Variants in SPAG16 observed in about 807,000 individuals in gnomAD.
SPAG16 encodes sperm-associated antigen 16 protein.
A neutral mutation model predicts 80.4 loss-of-function variants in SPAG16; 86 were observed. That is an observed-to-expected ratio of 1.07 (90% confidence interval 0.90 to 1.28). The LOEUF (loss-of-function observed/expected upper bound fraction) is 1.28. SPAG16 is among the 50% of genes most tolerant of loss of function. The probability of loss-of-function intolerance (pLI) is 0.00; values close to 1 mark genes in which losing one functional copy is unlikely to be tolerated. For missense variants in SPAG16, 870 were observed against 765.3 expected (o/e 1.14, Z -1.61); for synonymous variants, 294 against 265.9 (o/e 1.11, Z -1.03).
intron 15 of SPAG16, among the ~76,000 whole-genome samples, chr2:214,195,310 T>TAGATAGATAGAC (rs1427990325): frequency 4.0e-5 from 6 of 151,240 alleles, no homozygotes; most frequent in Non-Finnish European, 8.9e-5. Flanking sequence ...AGATGATAGA[T>TAGATAGATAGAC]AGATAGATAG....
intron 6 of SPAG16, among the ~76,000 whole-genome samples, chr2:213,350,165 A>G (rs2065247985): frequency 6.6e-6 from 1 of 152,172 alleles, no homozygotes; most frequent in African/African-American, 2.4e-5. Flanking sequence ...TTAATCATCT[A>G]TTGTTTGTGG....
At chr2:213,969,496 G>A (rs926485153) in intron 12 of SPAG16, among the ~76,000 whole-genome samples, 8 of 152,084 alleles carry the variant, frequency 5.3e-5, no homozygotes, top group Admixed American at 3.9e-4. Context: ...TCTCGCAGTG[G>A]GATTTAGGCC....
chr2:214,377,190 G>C (rs1199455746), intron 15 of SPAG16, among the ~76,000 whole-genome samples: 1 of 152,132 alleles, frequency 6.6e-6, no homozygotes, highest in East Asian at 1.9e-4. Flanking sequence ...TCTTCGGTAA[G>C]TTGCAGATCC....
At chr2:213,393,459 T>C (rs1375402762) in intron 9 of SPAG16, among the ~76,000 whole-genome samples, 5 of 151,966 alleles carry the variant, frequency 3.3e-5, no homozygotes, top group Admixed American at 6.6e-5. Context: ...TTTGATTCGA[T>C]TTTTGTTTCT....
intron 10 of SPAG16, among the ~76,000 whole-genome samples, chr2:213,547,225 T>C (rs1234763893): frequency 6.6e-6 from 1 of 152,094 alleles, no homozygotes; most frequent in African/African-American, 2.4e-5. Context: ...ATACCACCTT[T>C]TTATAGTCTT....
At chr2:213,603,363 A>G (rs916117746) in intron 10 of SPAG16, among the ~76,000 whole-genome samples, 1 of 152,156 alleles carries the variant, frequency 6.6e-6, no homozygotes, top group African/African-American at 2.4e-5. Flanking sequence ...GCTTATACGC[A>G]TTTTCCGTAT....
intron 10 of SPAG16, among the ~76,000 whole-genome samples, chr2:213,675,213 C>T (rs1221258262): frequency 1.3e-5 from 2 of 152,152 alleles, no homozygotes; most frequent in Non-Finnish European, 1.5e-5. Context: ...ATGTCCTTCG[C>T]CCACTTTTTG....
At chr2:213,920,689 G>T (rs1186122846) in intron 11 of SPAG16, among the ~76,000 whole-genome samples, 2 of 152,194 alleles carry the variant, frequency 1.3e-5, no homozygotes, top group East Asian at 1.9e-4. Flanking sequence ...ACCAAGGGGT[G>T]CTCAAGTCAG....
chr2:213,549,574 T>G (rs2076723616), intron 10 of SPAG16, among the ~76,000 whole-genome samples: 1 of 152,148 alleles, frequency 6.6e-6, no homozygotes, highest in African/African-American at 2.4e-5. Context: ...TAGACAAAAT[T>G]GCCATCACCA....
chr2:214,390,770 G>A (rs1429238631), intron 15 of SPAG16, among the ~76,000 whole-genome samples: 1 of 152,100 alleles, frequency 6.6e-6, no homozygotes, highest in East Asian at 1.9e-4. Flanking sequence ...GTTACTAGAA[G>A]CATAGTTCCA....
At chr2:214,330,316 G>A (rs1051055791) in intron 15 of SPAG16, among the ~76,000 whole-genome samples, 2 of 151,668 alleles carry the variant, frequency 1.3e-5, no homozygotes, top group Non-Finnish European at 2.9e-5. Flanking sequence ...AAAATTGTAT[G>A]GCACGGCACA....
chr2:213,934,806 T>C (rs1312624643), intron 12 of SPAG16, among the ~76,000 whole-genome samples: 1 of 152,182 alleles, frequency 6.6e-6, no homozygotes, highest in Non-Finnish European at 1.5e-5. Flanking sequence ...AAGCCTATTA[T>C]TGAAACTGAA....
chr2:214,021,796 A>G (rs2047881147), intron 13 of SPAG16, among the ~76,000 whole-genome samples: 1 of 152,178 alleles, frequency 6.6e-6, no homozygotes, highest in Non-Finnish European at 1.5e-5. Flanking sequence ...AATCCTGTGT[A>G]GAGACTTACT....
At chr2:213,558,268 G>A (rs2059492143) in intron 10 of SPAG16, among the ~76,000 whole-genome samples, 1 of 152,000 alleles carries the variant, frequency 6.6e-6, no homozygotes, top group African/African-American at 2.4e-5. Context: ...AAATGAAACA[G>A]ATGAACTCAT....
rs1321337128 is a variant in SPAG16, at chr2:214,280,864, T to G, written c.1721-129276T>G. On this transcript the variant is annotated intron_variant, in intron 15 of 15. Transcript: ENST00000331683. ...TTTATATATTGAGAGGATTGTTTCT[T>G]GTAAGCATCTTCATCTTCCTCTACT... The G allele has an allele frequency of 1.4e-5, 6 of 433,946 alleles. No homozygotes were observed. The Admixed American group carries it at 1.6e-4, about 12-fold the overall frequency. The allele number at this position is 433,946 out of a possible 1,614,324, so 26.9% of individuals were successfully genotyped here.
At chr2:213,559,997 G>T (rs1231669112) in intron 10 of SPAG16, among the ~76,000 whole-genome samples, 1 of 151,990 alleles carries the variant, frequency 6.6e-6, no homozygotes, top group Admixed American at 6.6e-5. Context: ...AGATAAAAAT[G>T]CAACCTGTTC....
chr2:214,388,706 G>A (rs1019260584), intron 15 of SPAG16, among the ~76,000 whole-genome samples: 1 of 152,076 alleles, frequency 6.6e-6, no homozygotes, highest in East Asian at 1.9e-4. Context: ...AAACTTTACT[G>A]GGTGGGGAAC....
chr2:213,970,483 T>C (rs1172771913), intron 12 of SPAG16, among the ~76,000 whole-genome samples: 5 of 151,988 alleles, frequency 3.3e-5, no homozygotes, highest in Non-Finnish European at 7.4e-5. Flanking sequence ...TGTATGTTTT[T>C]GTAGAGACAG....
At chr2:214,215,117 C>A (rs1195582779) in intron 15 of SPAG16, among the ~76,000 whole-genome samples, 3 of 151,976 alleles carry the variant, frequency 2.0e-5, no homozygotes, top group South Asian at 4.1e-4. Flanking sequence ...TTGCCAGAAA[C>A]CACCTTTCTC....
Sources: gnomAD v4.1 joint callset for allele counts (sites outside exome capture counted in the v4.1 genomes callset) on GRCh38, gnomAD v4.1.1 for gene constraint, MANE v1.5 for transcripts, NCBI Gene and HGNC (gene_info 2026-07-23, HGNC 2026-07-21) for gene names.